MEGF11: variants seen among roughly 807,000 people sequenced by gnomAD.
The protein encoded by MEGF11 is multiple epidermal growth factor-like domains protein 11.
In MEGF11, 126 loss-of-function variants were observed where a neutral mutation model predicts 146.6. The ratio of observed to expected loss-of-function variants is 0.86; its 90% CI spans 0.74 to 1.00. The LOEUF (loss-of-function observed/expected upper bound fraction) is 1.00. Ranked by LOEUF, MEGF11 falls within the 50% of genes least tolerant of loss-of-function variation. The pLI, the probability that MEGF11 is intolerant of heterozygous loss-of-function variation, is 0.00. For missense variants in MEGF11, 1,509 were observed against 1,521.2 expected, an observed-to-expected ratio of 0.99 and a Z score of 0.13; for synonymous variants, 532 against 583.4, an observed-to-expected ratio of 0.91 and a Z score of 1.27.
chr15:66,123,137 A>T (rs1597105601), intron 3 of MEGF11, among the ~76,000 whole-genome samples: 1 of 152,164 alleles, frequency 6.6e-6, no homozygotes, highest in South Asian at 2.1e-4. Flanking sequence ...TGTCTTTCCC[A>T]GGGTCATCCC....
intron 1 of MEGF11, among the ~76,000 whole-genome samples, chr15:66,224,465 T>C (rs554826152): frequency 6.6e-6 from 1 of 151,846 alleles, no homozygotes; most frequent in South Asian, 2.1e-4. Context: ...ATGCCTGTAA[T>C]CCCAACTACT....
chr15:65,971,968 T>C (rs1198357800), intron 7 of MEGF11, among the ~76,000 whole-genome samples: 1 of 152,060 alleles, frequency 6.6e-6, no homozygotes, highest in Non-Finnish European at 1.5e-5. Flanking sequence ...ATTGCACCTA[T>C]GAAAGAACAG....
chr15:65,990,319 G>A (rs915072801), intron 5 of MEGF11, among the ~76,000 whole-genome samples: 1 of 152,196 alleles, frequency 6.6e-6, no homozygotes, highest in Non-Finnish European at 1.5e-5. Context: ...GAAAGGCTGA[G>A]GCAGAAGGGT....
chr15:66,104,670 A>G (rs2086980485), intron 4 of MEGF11, among the ~76,000 whole-genome samples: 1 of 152,226 alleles, frequency 6.6e-6, no homozygotes. Flanking sequence ...TTCAGAGCTG[A>G]TAGGTCTTCT....
intron 13 of MEGF11, among the ~76,000 whole-genome samples, chr15:65,926,462 G>C (rs1290696710): frequency 6.6e-6 from 1 of 152,260 alleles, no homozygotes. Flanking sequence ...CCAACTGTCA[G>C]TAAGCCTATG....
At chr15:65,932,001 G>A (rs1291740815) in intron 10 of MEGF11, among the ~76,000 whole-genome samples, 2 of 152,134 alleles carry the variant, frequency 1.3e-5, no homozygotes, top group Admixed American at 6.5e-5. Flanking sequence ...ACATTACCGG[G>A]GATCCTAAAC....
intron 7 of MEGF11, chr15:65,971,020 C>T (rs1178508343): frequency 2.9e-5 from 10 of 343,426 alleles, no homozygotes; most frequent in Non-Finnish European, 4.9e-5. Context: ...GCAGTAAGTA[C>T]TCTCACATGG....
rs562920493 is a variant in MEGF11, at chr15:66,110,748, A to G, written c.301+8338T>C. Among the ~76,000 whole-genome samples the G allele has an allele frequency of 5.3e-5, 8 of 152,254 alleles. No homozygotes were observed. The South Asian group carries it at 8.3e-4, about 16-fold the overall frequency. On this transcript the variant is annotated intron_variant, in intron 4 of 25. Transcript: ENST00000395614. Reference sequence around the variant, plus strand: ...CAAGACTCCTTGGGGAGCCTCTTAGAGGTTTAGCAGGGAGTTTTTACCTAG... The same window carrying G: ...CAAGACTCCTTGGGGAGCCTCTTAGGGGTTTAGCAGGGAGTTTTTACCTAG...
intron 9 of MEGF11, among the ~76,000 whole-genome samples, chr15:65,964,524 C>T (rs1300753515): frequency 6.6e-6 from 1 of 152,164 alleles, no homozygotes; most frequent in East Asian, 1.9e-4. Context: ...GAAATATTCT[C>T]CAGGACAATG....
chr15:65,982,228 G>T lies in MEGF11; in HGVS notation c.641+14C>A. On this transcript the variant is annotated intron_variant, in intron 6 of 25. Coordinates refer to ENST00000395614, the MANE Select transcript of MEGF11 (RefSeq NM_001385028.1). This position sits in a 1 kb window ranked among gnomAD's most constrained non-coding sequence, Gnocchi z 5.6. ...TCCAGGTCCCGCCCCTCCAGGTCCT[G>T]CCGCATGACTCACTAGACGCCGGTG... 6.5e-7 allele frequency: 1 copy of T among 1,534,290 alleles called. No homozygotes were observed.
chr15:65,959,603 T>TAAGA, intron 9 of MEGF11, among the ~76,000 whole-genome samples: 1 of 152,366 alleles, frequency 6.6e-6, no homozygotes, highest in South Asian at 2.1e-4. Flanking sequence ...ATTCCATTTC[T>TAAGA]AAGACTCTAT....
chr15:66,224,689 AG>A (rs2091812886), intron 1 of MEGF11, among the ~76,000 whole-genome samples: 1 of 146,514 alleles, frequency 6.8e-6, no homozygotes, highest in Admixed American at 6.9e-5. Flanking sequence ...TAATATATAA[AG>A]TATATATATT....
chr15:66,141,061 C>G (rs2089126024), intron 1 of MEGF11, among the ~76,000 whole-genome samples: 1 of 152,088 alleles, frequency 6.6e-6, no homozygotes, highest in Non-Finnish European at 1.5e-5. Context: ...CAGGTGCCAG[C>G]CTTGGTACAT....
chr15:66,061,054 C>G (rs2084886746), intron 5 of MEGF11, among the ~76,000 whole-genome samples: 1 of 152,148 alleles, frequency 6.6e-6, no homozygotes, highest in Non-Finnish European at 1.5e-5. Context: ...AGATGGGGAG[C>G]CCAGTTAGGA....
intron 10 of MEGF11, among the ~76,000 whole-genome samples, chr15:65,946,114 G>A (rs2080182230): frequency 2.0e-5 from 3 of 152,184 alleles, no homozygotes; most frequent in Admixed American, 1.3e-4. Flanking sequence ...GATGCTTTCA[G>A]CGTTTTATTA....
intron 1 of MEGF11, among the ~76,000 whole-genome samples, chr15:66,179,977 C>T (rs1019472616): frequency 1.3e-5 from 2 of 152,250 alleles, no homozygotes; most frequent in East Asian, 3.9e-4. Flanking sequence ...GCTGGGAGAC[C>T]TATGATCCAG....
intron 1 of MEGF11, among the ~76,000 whole-genome samples, chr15:66,198,782 C>A (rs530471954): frequency 6.6e-6 from 1 of 152,146 alleles, no homozygotes; most frequent in Non-Finnish European, 1.5e-5. Flanking sequence ...CCGAGCCCAG[C>A]CTCCTTTTGT....
intron 5 of MEGF11, among the ~76,000 whole-genome samples, chr15:66,061,457 C>CAGGCATGGGGAGATGCTGGAGG (rs547039565): frequency 0.016 from 2,407 of 152,140 alleles, 66 homozygotes; most frequent in African/African-American, 0.056. Context: ...GGCATGGCTC[C>CAGGCATGGGGAGATGCTGGAGG]AGGCATGGGG....
chr15:66,019,009 G>C (rs945831798), intron 5 of MEGF11, among the ~76,000 whole-genome samples: 2 of 152,170 alleles, frequency 1.3e-5, no homozygotes, highest in Non-Finnish European at 2.9e-5. Flanking sequence ...GCTTCGGAAG[G>C]TCCATCTGAC....
Sources: allele counts gnomAD v4.1 joint callset (sites outside exome capture counted in the v4.1 genomes callset), GRCh38; gene constraint gnomAD v4.1.1; non-coding constraint Gnocchi (gnomAD v3.1); transcripts MANE v1.5; gene names NCBI Gene and HGNC (gene_info 2026-07-23, HGNC 2026-07-21).